Variants in LYPLAL1 observed in about 807,000 individuals in gnomAD.
The protein encoded by LYPLAL1 is lysophospholipase-like protein 1.
A neutral mutation model predicts 19.7 loss-of-function variants in LYPLAL1; 23 were observed. The ratio of observed to expected loss-of-function variants is 1.17; its 90% CI spans 0.84 to 1.65. LYPLAL1 has a LOEUF of 1.65. LYPLAL1 is among the 40% of genes most tolerant of loss of function. The pLI is 0.00. For missense variants in LYPLAL1, 355 were observed against 279.4 expected (o/e 1.27, Z -1.93); for synonymous variants, 119 against 96.3 (o/e 1.24, Z -1.38).
chr1:219,198,054 A>G (rs1657754738), intron 3 of LYPLAL1, among the ~76,000 whole-genome samples: 1 of 152,144 alleles, frequency 6.6e-6, no homozygotes, highest in South Asian at 2.1e-4. Flanking sequence ...GGGCTCACTG[A>G]ATGAAGATAA....
chr1:219,190,452 A>C (rs952152094), intron 2 of LYPLAL1, among the ~76,000 whole-genome samples: 2 of 151,470 alleles, frequency 1.3e-5, no homozygotes, highest in Admixed American at 1.3e-4. Flanking sequence ...TTCCCCCAAA[A>C]TTCAAGGCTT....
chr1:219,192,666 T>A (rs562416904), intron 2 of LYPLAL1, among the ~76,000 whole-genome samples: 1 of 151,836 alleles, frequency 6.6e-6, no homozygotes, highest in Non-Finnish European at 1.5e-5. Context: ...TCTACCAACA[T>A]AATACTTGAA....
the LYPLAL1 span, among the ~76,000 whole-genome samples, chr1:219,397,435 T>C: frequency 1.3e-5 from 2 of 152,208 alleles, no homozygotes; most frequent in Non-Finnish European, 2.9e-5. Context: ...TAGGATGAGT[T>C]AGGGAGGAAT....
At chr1:219,233,633 G>A in the LYPLAL1 span, among the ~76,000 whole-genome samples, 5 of 152,164 alleles carry the variant, frequency 3.3e-5, no homozygotes, top group African/African-American at 9.6e-5. Context: ...ACTGGGCATG[G>A]TGGTGCAAGC....
chr1:219,307,493 G>A, the LYPLAL1 span, among the ~76,000 whole-genome samples: 1 of 152,168 alleles, frequency 6.6e-6, no homozygotes, highest in African/African-American at 2.4e-5. Context: ...GGGTAGTGTG[G>A]CTATTTTGTA....
At chr1:219,238,598 A>T in the LYPLAL1 span, among the ~76,000 whole-genome samples, 1 of 152,220 alleles carries the variant, frequency 6.6e-6, no homozygotes, top group Admixed American at 6.5e-5. Flanking sequence ...CTAATAATCC[A>T]GATATAAAGC....
the LYPLAL1 span, among the ~76,000 whole-genome samples, chr1:219,254,901 A>G: frequency 0.24 from 36,836 of 151,858 alleles, 4,643 homozygotes; most frequent in Non-Finnish European, 0.29. Context: ...AGGGATGCCA[A>G]TGATTTGTAG....
chr1:219,299,851 A>G, the LYPLAL1 span, among the ~76,000 whole-genome samples: 3 of 152,098 alleles, frequency 2.0e-5, no homozygotes, highest in Non-Finnish European at 2.9e-5. Flanking sequence ...CTTGAAGCTG[A>G]TTTTTTTGGT....
chr1:219,243,450 A>G, the LYPLAL1 span, among the ~76,000 whole-genome samples: 1 of 152,192 alleles, frequency 6.6e-6, no homozygotes, highest in African/African-American at 2.4e-5. Flanking sequence ...TAAAAACAAA[A>G]TAAAGGAAGA....
At chr1:219,313,437 C>T in the LYPLAL1 span, among the ~76,000 whole-genome samples, 2 of 152,230 alleles carry the variant, frequency 1.3e-5, no homozygotes, top group South Asian at 4.2e-4. Flanking sequence ...TACCCAAATT[C>T]CAGCAAGAAG....
intron 3 of LYPLAL1, among the ~76,000 whole-genome samples, chr1:219,202,339 C>T (rs1341055507): frequency 6.6e-6 from 1 of 152,212 alleles, no homozygotes; most frequent in African/African-American, 2.4e-5. Context: ...CAAAAGGCCA[C>T]ACTGGAACAG....
At chr1:219,375,382 C>T in the LYPLAL1 span, among the ~76,000 whole-genome samples, 1 of 150,342 alleles carries the variant, frequency 6.7e-6, no homozygotes, top group Non-Finnish European at 1.5e-5. Flanking sequence ...AGGAGAATTG[C>T]TTGAACCCGG....
the LYPLAL1 span, among the ~76,000 whole-genome samples, chr1:219,341,685 C>G: frequency 6.6e-6 from 1 of 152,146 alleles, no homozygotes. Context: ...ATACACTTAT[C>G]ATTTTTTTCT....
downstream of LYPLAL1, among the ~76,000 whole-genome samples, chr1:219,215,787 C>G (rs1234684623): frequency 6.6e-6 from 1 of 152,136 alleles, no homozygotes; most frequent in East Asian, 1.9e-4. Flanking sequence ...TTTCCCATTT[C>G]TGAGGGTTCA....
intron 3 of LYPLAL1, among the ~76,000 whole-genome samples, chr1:219,201,521 G>A (rs1483933009): frequency 6.6e-6 from 1 of 151,780 alleles, no homozygotes; most frequent in East Asian, 1.9e-4. Flanking sequence ...TTTCTTTTTG[G>A]AAGATATGTT....
At position 219,210,581 on chromosome 1, in the gene LYPLAL1, T is replaced by A; in HGVS notation, c.411T>A (p.Asn137Lys). The A allele has an allele frequency of 6.2e-7, 1 of 1,610,454 alleles. No homozygotes were observed. Among genetic ancestry groups the A allele is most frequent in the Non-Finnish European group, 8.5e-7 (1 of 1,177,826 alleles). ...TGGCAATACATTTAGCATATAGAAA[T>A]CATCAAGATGTGGCAGGAGTATTTG... Reference protein sequence around the residue: ...GCMAIHLAYRNHQDVAGVFAL... With the variant: ...GCMAIHLAYRKHQDVAGVFAL... The change falls in exon 4 of 5, where the codon AAT becomes AAA. Residue 137 changes from asparagine (N) to lysine (K), a missense_variant. Asn to Lys is a moderately conservative substitution (Grantham distance 94). Transcript: ENST00000366928.
chr1:219,280,377 T>G, the LYPLAL1 span, among the ~76,000 whole-genome samples: 2 of 152,220 alleles, frequency 1.3e-5, no homozygotes, highest in Non-Finnish European at 2.9e-5. Context: ...CTAATATCTT[T>G]ATGACACCTC....
the LYPLAL1 span, among the ~76,000 whole-genome samples, chr1:219,388,657 C>T: frequency 2.0e-5 from 3 of 152,110 alleles, no homozygotes; most frequent in Middle Eastern, 3.2e-3. Context: ...TTGTCTACTA[C>T]ACCGTTTGTC....
chr1:219,244,960 TCTTC>T, the LYPLAL1 span, among the ~76,000 whole-genome samples: 45 of 146,708 alleles, frequency 3.1e-4, no homozygotes, highest in Non-Finnish European at 3.8e-4. Context: ...TCTTCCTTTC[TCTTC>T]CTTCCTTCCT....
Sources: allele counts gnomAD v4.1 joint callset (sites outside exome capture counted in the v4.1 genomes callset), GRCh38; gene constraint gnomAD v4.1.1; transcripts MANE v1.5; gene names NCBI Gene and HGNC (gene_info 2026-07-23, HGNC 2026-07-21).